Variants in SLC12A2 observed in about 807,000 individuals in gnomAD.
SLC12A2 encodes Na-K-2Cl cotransporter 1.
Under a neutral mutation model 136.3 loss-of-function variants are expected in SLC12A2, and 67 were observed. That is an observed-to-expected ratio of 0.49 (90% CI 0.40 to 0.60). The LOEUF is 0.60. SLC12A2 is among the 20% of genes least tolerant of loss of function. The pLI, the probability that SLC12A2 is intolerant of heterozygous loss-of-function variation, is 0.00. For missense variants in SLC12A2, 1,322 were observed against 1,534.7 expected (o/e 0.86, Z 2.32); for synonymous variants, 619 against 562.9 (o/e 1.10, Z -1.41).
At chr5:128,118,770 T>C (rs964108448) in intron 4 of SLC12A2, among the ~76,000 whole-genome samples, 2 of 152,216 alleles carry the variant, frequency 1.3e-5, no homozygotes, top group Non-Finnish European at 2.9e-5. Context: ...TTTTACTTGA[T>C]AAGAATACCT....
chr5:128,177,081 TTG>T (rs1220876977), intron 20 of SLC12A2, 22 bp from the exon 21 acceptor site: 2 of 1,500,338 alleles, frequency 1.3e-6, no homozygotes, highest in Non-Finnish European at 1.8e-6. Flanking sequence ...TAACATATTT[TTG>T]TGTTTTTTAA....
chr5:128,116,392 TAA>T (rs1161975711), intron 4 of SLC12A2, among the ~76,000 whole-genome samples: 5 of 31,100 alleles, frequency 1.6e-4, no homozygotes, highest in South Asian at 3.2e-3. Flanking sequence ...TGTGTATATA[TAA>T]ATATATATAT....
Position 128,184,390 on chromosome 5 carries a change from T to G in SLC12A2, c.3324T>G (p.Ile1108Met). Residue 1108 changes from isoleucine (I) to methionine (M), a missense_variant, in exon 25 of 27, where the codon ATT (isoleucine) becomes ATG (methionine). By Grantham distance (10) the Ile-to-Met change is conservative. Around this residue, in one of 8 missense-constraint regions of SLC12A2, gnomAD observed 172 missense variants for 227.4 expected, o/e 0.76. Coordinates refer to ENST00000262461, the MANE Select transcript of SLC12A2 (RefSeq NM_001046.3). The stretch of plus-strand genomic sequence containing the variant: ...GTATTATAGCTTTTGAGGAAATCAT[T>G]GAGCCATACAGACTTCATGAAGATG... Reference protein sequence around the residue: ...KENIIAFEEIIEPYRLHEDDK... With the variant: ...KENIIAFEEIMEPYRLHEDDK... The G allele has an allele frequency of 1.3e-6, 2 of 1,564,002 alleles. No homozygotes were observed. The highest frequency in any genetic ancestry group is 1.7e-6 in the Non-Finnish European group (2 of 1,155,346).
Position 128,165,960 on chromosome 5 carries a change from A to G in SLC12A2, c.2617-1801A>G, listed in dbSNP as rs191494660. Among the ~76,000 whole-genome samples, 401 of 133,692 alleles carry G rather than the reference A, an allele frequency of 3.0e-3. 2 individuals are homozygous for G. Among genetic ancestry groups the G allele is most frequent in the African/African-American group, 0.011 (388 of 36,408 alleles). The allele number at this position is 133,692 out of a possible 152,430, so 87.7% of individuals were successfully genotyped here. On this transcript the variant is annotated intron_variant, in intron 17 of 26. Transcript: ENST00000262461. The stretch of plus-strand genomic sequence containing the variant: ...GTTAAAAATATGCTGTGTGGTTAAG[A>G]TAGTTTTAAAAAACTAAAATGAATA...
intron 4 of SLC12A2, among the ~76,000 whole-genome samples, chr5:128,118,492 TC>T (rs1399295236): frequency 1.3e-5 from 2 of 152,184 alleles, no homozygotes; most frequent in Non-Finnish European, 2.9e-5. Context: ...TCTCATGTAT[TC>T]TTTCTTATAA....
chr5:128,173,450 A>G (rs1158260822), intron 19 of SLC12A2, among the ~76,000 whole-genome samples: 2 of 152,174 alleles, frequency 1.3e-5, no homozygotes, highest in Non-Finnish European at 2.9e-5. Flanking sequence ...TTTAAAAAGT[A>G]TTTTCATGTA....
chr5:128,136,543 T>A (rs773696366), intron 7 of SLC12A2, among the ~76,000 whole-genome samples: 7 of 152,090 alleles, frequency 4.6e-5, no homozygotes, highest in Non-Finnish European at 1.0e-4. Flanking sequence ...CCTTAACCCC[T>A]CTCACATCTG....
chr5:128,178,797 C>A, intron 22 of SLC12A2, 108 bp downstream of exon 22: 1 of 769,218 alleles, frequency 1.3e-6, no homozygotes, highest in Non-Finnish European at 1.9e-6. Flanking sequence ...ATTTTGCCAG[C>A]ATTCCCAAAA....
rs1346530890 is a variant in SLC12A2, at chr5:128,165,918, T to C, written c.2617-1843T>C. Among the ~76,000 whole-genome samples, 116 of 83,800 alleles carry C rather than the reference T, an allele frequency of 1.4e-3. 1 individual carries two copies. The highest frequency in any genetic ancestry group is 2.1e-3 in the Non-Finnish European group (83 of 38,888). The allele number at this position is 83,800 out of a possible 152,430, so 55.0% of individuals were successfully genotyped here. A position where few individuals can be genotyped will look rare whatever the true frequency, so the allele number is the denominator to read the frequency against. ...AAGATATTCTTGGTTTTCTTTTACC[T>C]CCCCCCCCCCCCCCCAGTTAAAAAT... On this transcript the variant is annotated intron_variant, in intron 17 of 26. Coordinates refer to ENST00000262461, the MANE Select transcript of SLC12A2 (RefSeq NM_001046.3).
In SLC12A2 at chr5:128,091,189, T is replaced by C. The variant is rs1008621976; in HGVS notation, c.756+6479T>C. ...CAGAGGTAGAATTGTTGGGATTTGC[T>C]GATGGTTTGGATGAGGGGATGTATG... On this transcript the variant is annotated intron_variant, in intron 1 of 26. Transcript: ENST00000262461. Among the ~76,000 whole-genome samples the C allele has an allele frequency of 6.8e-4, 104 of 152,218 alleles. 1 individual carries two copies. Among genetic ancestry groups the C allele is most frequent in the African/African-American group, 2.4e-3 (101 of 41,522 alleles).
intron 10 of SLC12A2, among the ~76,000 whole-genome samples, chr5:128,146,704 C>T (rs1049868265): frequency 6.6e-6 from 1 of 151,718 alleles, no homozygotes; most frequent in African/African-American, 2.4e-5. Flanking sequence ...TAGAGCAAAA[C>T]CCTAGACTTT....
rs567531216 is a variant in SLC12A2 at position 128,128,920 on chromosome 5, T to C, written c.1049-2147T>C. Among the ~76,000 whole-genome samples the C allele has an allele frequency of 3.9e-5, 6 of 152,168 alleles. 1 individual carries two copies. The South Asian group carries it at 1.2e-3, about 32-fold the overall frequency. ...ATGTGCAGTTGTTTTTACATTCTTATCCATGTGTCACTTCCTTTTTCTTGA... is the reference window on the plus strand; with the variant it reads ...ATGTGCAGTTGTTTTTACATTCTTACCCATGTGTCACTTCCTTTTTCTTGA... On this transcript the variant is annotated intron_variant, in intron 4 of 26. Coordinates refer to ENST00000262461, the MANE Select transcript of SLC12A2 (RefSeq NM_001046.3).
chr5:128,131,065 A>G lies in SLC12A2; in HGVS notation c.1049-2A>G, dbSNP rs766457370. Reference sequence around the variant, plus strand: ...TTTTTTTGTTTGTTTGTTTGTTTTTAGGAGGAGCATATTATTTAATATCTA... The same window carrying G: ...TTTTTTTGTTTGTTTGTTTGTTTTTGGGAGGAGCATATTATTTAATATCTA... On this transcript the variant is annotated splice_acceptor_variant, in intron 4 of 26. Transcript: ENST00000262461. LOFTEE classifies it high-confidence loss of function. 1 of 1,613,104 alleles carries G rather than the reference A, an allele frequency of 6.2e-7. No homozygotes were observed. Among genetic ancestry groups the G allele is most frequent in the Non-Finnish European group, 8.5e-7 (1 of 1,179,554 alleles).
chr5:128,157,445 G>T (rs1046850539), intron 15 of SLC12A2, among the ~76,000 whole-genome samples: 3 of 151,912 alleles, frequency 2.0e-5, no homozygotes, highest in Admixed American at 1.3e-4. Context: ...TTCAACATAG[G>T]TGATTTTACT....
intron 15 of SLC12A2, among the ~76,000 whole-genome samples, chr5:128,154,675 G>T (rs1190564285): frequency 6.6e-6 from 1 of 152,132 alleles, no homozygotes; most frequent in Non-Finnish European, 1.5e-5. Flanking sequence ...AGCTGGAACT[G>T]CAGAGAGTAC....
At chr5:128,130,291 G>C (rs1581093875) in intron 4 of SLC12A2, among the ~76,000 whole-genome samples, 1 of 151,876 alleles carries the variant, frequency 6.6e-6, no homozygotes, top group African/African-American at 2.4e-5. Context: ...CTAGCGCTTT[G>C]GGAAGCTGAG....
intron 24 of SLC12A2, among the ~76,000 whole-genome samples, 158 bp downstream of exon 24, chr5:128,183,099 A>T (rs1763756943): frequency 1.3e-5 from 2 of 152,186 alleles, no homozygotes; most frequent in South Asian, 4.1e-4. Flanking sequence ...CATATATCAG[A>T]TATTAAAGAA....
At chr5:128,105,954 G>T (rs1401833565) in intron 1 of SLC12A2, among the ~76,000 whole-genome samples, 2 of 152,080 alleles carry the variant, frequency 1.3e-5, no homozygotes, top group Non-Finnish European at 2.9e-5. Flanking sequence ...TAGCTCCTCA[G>T]ATTCAACATG....
chr5:128,112,969 A>G (rs777679370), intron 2 of SLC12A2, 36 bp downstream of exon 2: 8 of 1,515,332 alleles, frequency 5.3e-6, no homozygotes, highest in Admixed American at 4.5e-5. Context: ...TAGTTACAGC[A>G]TATCTGTTGG....
Sources: allele counts gnomAD v4.1 joint callset (sites outside exome capture counted in the v4.1 genomes callset), GRCh38; gene constraint gnomAD v4.1.1; regional missense constraint gnomAD v4.1.1; transcripts MANE v1.5; gene names NCBI Gene and HGNC (gene_info 2026-07-23, HGNC 2026-07-21).